ARHGAP24: variants seen among roughly 807,000 people sequenced by gnomAD.
ARHGAP24 encodes Rho GTPase activating protein 24.
Under a neutral mutation model 76.4 loss-of-function variants are expected in ARHGAP24, and 50 were observed. The ratio of observed to expected loss-of-function variants is 0.65; its 90% CI spans 0.52 to 0.83. The LOEUF (loss-of-function observed/expected upper bound fraction) is 0.83. Ranked by LOEUF, ARHGAP24 falls within the 40% of genes least tolerant of loss-of-function variation. The pLI is 0.00. For synonymous variants in ARHGAP24, 345 were observed against 323.3 expected, an observed-to-expected ratio of 1.07 and a Z score of -0.72; for missense variants, 930 against 914.2, an observed-to-expected ratio of 1.02 and a Z score of -0.22.
chr4:85,824,243 C>T (rs139990420), intron 3 of ARHGAP24, among the ~76,000 whole-genome samples: 42 of 152,196 alleles, frequency 2.8e-4, no homozygotes, highest in African/African-American at 9.6e-4. Flanking sequence ...TTCAGTGTTT[C>T]GACAGTATTT....
intron 3 of ARHGAP24, among the ~76,000 whole-genome samples, chr4:85,896,517 C>T (rs990291753): frequency 3.3e-5 from 5 of 152,194 alleles, no homozygotes; most frequent in African/African-American, 1.2e-4. Context: ...GTAGAATATA[C>T]TGTATTTAGA....
intron 8 of ARHGAP24, chr4:85,991,432 A>G (rs1740312915): frequency 6.6e-6 from 1 of 152,154 alleles, no homozygotes; most frequent in Non-Finnish European, 1.5e-5. Flanking sequence ...CACTATTCAT[A>G]TTAGCCCCAA....
At chr4:85,568,560 AGGT>A (rs1726943707) in intron 1 of ARHGAP24, among the ~76,000 whole-genome samples, 4 of 152,154 alleles carry the variant, frequency 2.6e-5, no homozygotes, top group Admixed American at 2.0e-4. Context: ...TCATCATAGT[AGGT>A]CGGGTACTGC....
chr4:85,568,015 G>A (rs1485715206), intron 1 of ARHGAP24, among the ~76,000 whole-genome samples: 1 of 152,144 alleles, frequency 6.6e-6, no homozygotes, highest in Non-Finnish European at 1.5e-5. Flanking sequence ...AGTTCAGTGG[G>A]CAATTTGTCA....
Position 85,564,924 on chromosome 4 carries a change from G to GTATATA in ARHGAP24, c.-20-5557_-20-5552dup, listed in dbSNP as rs3028011. 6.6e-3 allele frequency among the ~76,000 whole-genome samples: 349 copies of GTATATA among 53,146 alleles called. 4 individuals carry two copies. Among genetic ancestry groups the GTATATA allele is most frequent in the Middle Eastern group, 0.027 (2 of 74 alleles). The allele number at this position is 53,146 out of a possible 152,430, so 34.9% of individuals were successfully genotyped here. ...CCCTGCTCTAGGCAGAACACACACG[G>GTATATA]TATATATATATATATATATATATAT... On this transcript the variant is annotated intron_variant, in intron 1 of 9. Transcript: ENST00000395184.
intron 3 of ARHGAP24, among the ~76,000 whole-genome samples, chr4:85,906,162 A>G (rs1734758080): frequency 6.6e-6 from 1 of 152,178 alleles, no homozygotes; most frequent in African/African-American, 2.4e-5. Context: ...AATATTTCAG[A>G]ATTATGGCAA....
At chr4:85,712,634 T>C (rs28505541) in intron 2 of ARHGAP24, among the ~76,000 whole-genome samples, 70,616 of 151,938 alleles carry the variant, frequency 0.46, 18,939 homozygotes, top group Non-Finnish European at 0.62. Context: ...GGCTTGTGGC[T>C]GTGTCACACC....
intron 5 of ARHGAP24, among the ~76,000 whole-genome samples, chr4:85,962,380 A>G (rs796347010): frequency 4.6e-5 from 7 of 152,216 alleles, no homozygotes; most frequent in African/African-American, 1.7e-4. Context: ...GAGATTGTGC[A>G]TTATTTCATT....
chr4:85,791,046 G>A (rs1728096301), intron 3 of ARHGAP24, among the ~76,000 whole-genome samples: 1 of 152,152 alleles, frequency 6.6e-6, no homozygotes, highest in African/African-American at 2.4e-5. Flanking sequence ...CTAAATAGTA[G>A]GCTTATGCAG....
At chr4:85,985,419 G>A (rs1295729957) in intron 8 of ARHGAP24, among the ~76,000 whole-genome samples, 1 of 152,104 alleles carries the variant, frequency 6.6e-6, no homozygotes, top group Non-Finnish European at 1.5e-5. Flanking sequence ...CTTATAGGTG[G>A]GTGCTAAAGG....
intron 3 of ARHGAP24, among the ~76,000 whole-genome samples, chr4:85,894,960 CAAAAAAAAAAAAAAAAA>C (rs540459367): frequency 8.5e-5 from 3 of 35,354 alleles, no homozygotes; most frequent in Non-Finnish European, 1.3e-4. Flanking sequence ...GACTCCCTCT[CAAAAAAAAAAAAAAAAA>C]AAAAAAAAAA....
chr4:85,934,028 T>A (rs1736495742), intron 4 of ARHGAP24, among the ~76,000 whole-genome samples: 1 of 152,226 alleles, frequency 6.6e-6, no homozygotes, highest in Non-Finnish European at 1.5e-5. Context: ...GTATGCAACT[T>A]ACTTTAACCT....
chr4:85,700,394 T>TAAAAAAA (rs139515906), intron 2 of ARHGAP24, among the ~76,000 whole-genome samples: 23 of 71,502 alleles, frequency 3.2e-4, no homozygotes, highest in African/African-American at 8.0e-4. Flanking sequence ...AGATTCTGTC[T>TAAAAAAA]AAAAAAAAAA....
intron 8 of ARHGAP24, among the ~76,000 whole-genome samples, chr4:85,989,774 C>T (rs1740215183): frequency 6.6e-6 from 1 of 151,306 alleles, no homozygotes; most frequent in South Asian, 2.1e-4. Context: ...CTTTAAGATA[C>T]AAAAAAATCA....
intron 3 of ARHGAP24, among the ~76,000 whole-genome samples, chr4:85,761,724 G>A (rs1054527278): frequency 2.0e-5 from 3 of 152,140 alleles, no homozygotes; most frequent in Non-Finnish European, 1.5e-5. Flanking sequence ...TACGTTTTCC[G>A]TGAGATGTAA....
At chr4:85,851,447 CA>C (rs1225834756) in intron 3 of ARHGAP24, among the ~76,000 whole-genome samples, 1 of 152,176 alleles carries the variant, frequency 6.6e-6, no homozygotes, top group Non-Finnish European at 1.5e-5. Flanking sequence ...AGCCCATTTA[CA>C]TTTAAGGTTA....
intron 7 of ARHGAP24, among the ~76,000 whole-genome samples, chr4:85,977,263 T>C (rs1215851187): frequency 6.6e-6 from 1 of 152,178 alleles, no homozygotes; most frequent in Non-Finnish European, 1.5e-5. Flanking sequence ...TGGAAGGGAA[T>C]CCACATTGTT....
intron 1 of ARHGAP24, among the ~76,000 whole-genome samples, chr4:85,540,279 G>T (rs1386522171): frequency 6.6e-6 from 1 of 151,866 alleles, no homozygotes; most frequent in African/African-American, 2.4e-5. Flanking sequence ...AAAATCTAAT[G>T]TAGTGGTATT....
chr4:85,585,280 C>A (rs556695285), intron 2 of ARHGAP24, among the ~76,000 whole-genome samples: 195 of 152,300 alleles, frequency 1.3e-3, no homozygotes, highest in Middle Eastern at 3.4e-3. Flanking sequence ...TGATTCAGAG[C>A]AGTAGCTGAT....
Sources: allele counts gnomAD v4.1 joint callset (sites outside exome capture counted in the v4.1 genomes callset), GRCh38; gene constraint gnomAD v4.1.1; transcripts MANE v1.5; gene names NCBI Gene and HGNC (gene_info 2026-07-23, HGNC 2026-07-21).